ACYP2: variants seen among roughly 807,000 people sequenced by gnomAD.
ACYP2 encodes the protein acylphosphatase-2.
Under a neutral mutation model 11.2 loss-of-function variants are expected in ACYP2, and 12 were observed. The observed-to-expected ratio is 1.08, with a 90% CI of 0.69 to 1.74. The LOEUF (loss-of-function observed/expected upper bound fraction) is 1.74. ACYP2 is among the 40% of genes most tolerant of loss of function. ACYP2 has a pLI of 0.00. For missense variants in ACYP2, 134 were observed against 101.9 expected (o/e 1.31, Z -1.35); for synonymous variants, 43 against 32.2 (o/e 1.33, Z -1.13).
chr2:54,289,193 C>T, intron 6 of ACYP2, among the ~76,000 whole-genome samples: 1 of 151,974 alleles, frequency 6.6e-6, no homozygotes, highest in East Asian at 1.9e-4. Context: ...ATGTTTCTCT[C>T]CTCTCCCTTT....
At chr2:54,164,070 C>T (rs555438965) in intron 6 of ACYP2, among the ~76,000 whole-genome samples, 3 of 152,182 alleles carry the variant, frequency 2.0e-5, no homozygotes, top group African/African-American at 4.8e-5. Context: ...GGTAGAATTT[C>T]GGAAGACCAA....
rs1194355206 is a variant in ACYP2 at position 54,156,735 on chromosome 2, G to A, written c.404+17987G>A. ...GGCTGTAGTGCAGGGGTATGATCTC[G>A]GCTCACTGCAACCTCCACCTCCCGG... On this transcript the variant is annotated intron_variant, in intron 6 of 6. Coordinates refer to ENST00000607452, the MANE Select transcript of ACYP2 (RefSeq NM_001320586.2). 5.9e-5 allele frequency among the ~76,000 whole-genome samples: 9 copies of A among 152,016 alleles called. No individual in the cohort carries two copies. The East Asian group carries it at 9.7e-4, about 16-fold the overall frequency.
chr2:54,221,512 A>G (rs1685799219), intron 6 of ACYP2, among the ~76,000 whole-genome samples: 1 of 145,266 alleles, frequency 6.9e-6, no homozygotes, highest in African/African-American at 2.6e-5. Flanking sequence ...ATTTTATTGA[A>G]TAAAATTCTT....
intron 6 of ACYP2, among the ~76,000 whole-genome samples, chr2:54,200,023 A>C (rs1450745527): frequency 2.6e-5 from 4 of 152,232 alleles, no homozygotes; most frequent in Non-Finnish European, 5.9e-5. Flanking sequence ...TTAACTCACA[A>C]GCTTCTCTTT....
intron 4 of ACYP2, among the ~76,000 whole-genome samples, chr2:54,103,081 CA>C (rs939524556): frequency 1.3e-5 from 2 of 152,118 alleles, no homozygotes; most frequent in African/African-American, 4.8e-5. Flanking sequence ...CCTAAAATCA[CA>C]AGGACTAATA....
intron 4 of ACYP2, among the ~76,000 whole-genome samples, chr2:54,103,826 A>T (rs1185126767): frequency 1.3e-5 from 2 of 152,256 alleles, no homozygotes; most frequent in African/African-American, 4.8e-5. Flanking sequence ...TGAGTGATTC[A>T]TATGCAGCTT....
chr2:54,072,562 TCTTC>T, intron 4 of ACYP2, among the ~76,000 whole-genome samples: 1 of 148,724 alleles, frequency 6.7e-6, no homozygotes, highest in African/African-American at 2.5e-5. Flanking sequence ...TTATTTTCTT[TCTTC>T]TTTTTTTTTT....
chr2:54,024,948 C>G (rs895955776), intron 2 of ACYP2, among the ~76,000 whole-genome samples: 1 of 152,106 alleles, frequency 6.6e-6, no homozygotes, highest in African/African-American at 2.4e-5. Context: ...GCAACAGCAA[C>G]CAAGCTGAGA....
chr2:54,013,317 T>TG (rs1558471480), intron 2 of ACYP2, among the ~76,000 whole-genome samples: 4 of 130,350 alleles, frequency 3.1e-5, no homozygotes, highest in Non-Finnish European at 6.7e-5. Flanking sequence ...GTGTGTGTGT[T>TG]TTGAGACAGA....
At chr2:54,101,716 A>G (rs1369029946) in intron 4 of ACYP2, among the ~76,000 whole-genome samples, 1 of 150,088 alleles carries the variant, frequency 6.7e-6, no homozygotes, top group Non-Finnish European at 1.5e-5. Flanking sequence ...TGTGTAATCT[A>G]TCTTTCCTTC....
intron 4 of ACYP2, among the ~76,000 whole-genome samples, chr2:54,086,048 A>T (rs1361072945): frequency 2.0e-5 from 3 of 152,052 alleles, no homozygotes; most frequent in Admixed American, 2.0e-4. Context: ...GATTCAAGCA[A>T]TTCTCCTGAC....
rs548200200 is a variant in ACYP2 at position 54,139,623 on chromosome 2, A to G, written c.404+875A>G. 5.3e-5 allele frequency among the ~76,000 whole-genome samples: 8 copies of G among 152,348 alleles called. No homozygotes were observed. The East Asian group carries it at 1.5e-3, about 29-fold the overall frequency. On this transcript the variant is annotated intron_variant, in intron 6 of 6. Coordinates refer to ENST00000607452, the MANE Select transcript of ACYP2 (RefSeq NM_001320586.2). ...TGAATTATCTCAATCTTCACAACAG[A>G]TCTTATGAGGTAGGTACTAAGTAAC...
chr2:54,262,959 C>A (rs1687846553), intron 6 of ACYP2, among the ~76,000 whole-genome samples: 1 of 152,114 alleles, frequency 6.6e-6, no homozygotes, highest in Non-Finnish European at 1.5e-5. Flanking sequence ...GTGGCTCATG[C>A]CTGTGATGCC....
chr2:54,064,599 T>A (rs930209728), intron 4 of ACYP2, among the ~76,000 whole-genome samples: 1 of 152,182 alleles, frequency 6.6e-6, no homozygotes, highest in East Asian at 1.9e-4. Context: ...GAGCCCTGAG[T>A]GTACTTAGTT....
At chr2:54,253,667 C>T (rs76327822) in intron 6 of ACYP2, 3 of 152,170 alleles carry the variant, frequency 2.0e-5, no homozygotes, top group African/African-American at 7.2e-5. Flanking sequence ...TCATTTCTGC[C>T]TTTTTGTTCA....
chr2:54,043,660 C>T lies in ACYP2; in HGVS notation c.63-7298C>T, dbSNP rs188904743. ...TGAATTTCATTTAAAATCATGAAGGCGATGTTTTATTATATAAAGGGGATA... is the reference window on the plus strand; with the variant it reads ...TGAATTTCATTTAAAATCATGAAGGTGATGTTTTATTATATAAAGGGGATA... On this transcript the variant is annotated intron_variant, in intron 2 of 6. Transcript: ENST00000607452. Among the ~76,000 whole-genome samples, 641 of 152,094 alleles carry T rather than the reference C, an allele frequency of 4.2e-3. 2 individuals are homozygous for T. The highest frequency in any genetic ancestry group is 0.024 in the Middle Eastern group (7 of 294).
intron 6 of ACYP2, among the ~76,000 whole-genome samples, chr2:54,244,496 G>C (rs920932304): frequency 3.9e-5 from 6 of 152,068 alleles, no homozygotes; most frequent in African/African-American, 1.4e-4. Context: ...CAAAGTGCTG[G>C]GATTACAGTG....
intron 6 of ACYP2, among the ~76,000 whole-genome samples, chr2:54,252,077 C>T (rs752427038): frequency 5.3e-5 from 8 of 152,176 alleles, no homozygotes; most frequent in South Asian, 4.1e-4. Context: ...ATCTCAGACC[C>T]GTCACTGTCC....
chr2:54,025,553 TCTTAC>T (rs930841216), intron 2 of ACYP2, among the ~76,000 whole-genome samples: 47 of 152,164 alleles, frequency 3.1e-4, no homozygotes, highest in African/African-American at 1.1e-3. Context: ...GATTCTCATC[TCTTAC>T]CTTATAAAAA....
Sources: allele counts gnomAD v4.1 joint callset (sites outside exome capture counted in the v4.1 genomes callset), GRCh38; gene constraint gnomAD v4.1.1; transcripts MANE v1.5; gene names NCBI Gene and HGNC (gene_info 2026-07-23, HGNC 2026-07-21).